AOPEP: variants seen among roughly 807,000 people sequenced by gnomAD.
AOPEP encodes the protein aminopeptidase O (putative).
Under a neutral mutation model 98.1 loss-of-function variants are expected in AOPEP, and 77 were observed. That is an observed-to-expected ratio of 0.78 (90% confidence interval 0.65 to 0.95). AOPEP has a LOEUF of 0.95. Ranked by LOEUF, AOPEP falls within the 40% of genes least tolerant of loss-of-function variation. The pLI is 0.00. For missense variants in AOPEP, 1,024 were observed against 1,024.7 expected (o/e 1.00, Z 0.01); for synonymous variants, 346 against 365.3 (o/e 0.95, Z 0.60).
chr9:94,984,352 G>A lies in AOPEP; in HGVS notation c.1977+4925G>A, dbSNP rs368165926. Among the ~76,000 whole-genome samples the A allele has an allele frequency of 1.8e-3, 269 of 152,116 alleles. 2 individuals are homozygous for A. The highest frequency in any genetic ancestry group is 6.1e-3 in the African/African-American group (254 of 41,476). Reference sequence around the variant, plus strand: ...CCGGAGCTGATTTTTTAATTTAGTCGTAATTAAATTTAAATTTAAAATCTC... The same window carrying A: ...CCGGAGCTGATTTTTTAATTTAGTCATAATTAAATTTAAATTTAAAATCTC... On this transcript the variant is annotated intron_variant, in intron 11 of 16. Transcript: ENST00000375315.
chr9:95,107,501 G>A, the AOPEP span: 13 of 595,580 alleles, frequency 2.2e-5, no homozygotes, highest in South Asian at 2.2e-4. Context: ...AGGGCACCAT[G>A]CCAGGAACTG....
intron 5 of AOPEP, among the ~76,000 whole-genome samples, chr9:94,809,420 G>A (rs1285252081): frequency 6.6e-6 from 1 of 152,162 alleles, no homozygotes; most frequent in Non-Finnish European, 1.5e-5. Flanking sequence ...GAACCACTGT[G>A]GTTTCAAAAA....
intron 13 of AOPEP, among the ~76,000 whole-genome samples, chr9:95,017,487 C>G (rs182877321): frequency 6.6e-6 from 1 of 152,288 alleles, no homozygotes; most frequent in East Asian, 1.9e-4. Context: ...TATGGGACCA[C>G]CGTTGTGTAT....
intron 1 of AOPEP, among the ~76,000 whole-genome samples, chr9:94,734,728 C>T (rs937479420): frequency 2.6e-5 from 4 of 152,220 alleles, no homozygotes; most frequent in South Asian, 2.1e-4. Context: ...TGTGTTTGAA[C>T]CACTGGCCCA....
intron 13 of AOPEP, among the ~76,000 whole-genome samples, chr9:95,056,687 G>A (rs557942238): frequency 5.9e-5 from 9 of 151,968 alleles, no homozygotes; most frequent in South Asian, 2.1e-4. Flanking sequence ...ATTCAAAGTC[G>A]TACAGCTTGC....
At chr9:95,128,722 T>C in the AOPEP span, among the ~76,000 whole-genome samples, 1 of 152,214 alleles carries the variant, frequency 6.6e-6, no homozygotes, top group Non-Finnish European at 1.5e-5. Context: ...GTGTGGAATC[T>C]GCTTGTTCTT....
chr9:95,036,153 A>G (rs893278842), intron 13 of AOPEP, among the ~76,000 whole-genome samples: 3 of 152,214 alleles, frequency 2.0e-5, no homozygotes, highest in Non-Finnish European at 4.4e-5. Context: ...GGATGTGCAT[A>G]TGATCTTGTG....
chr9:94,972,009 T>C lies in AOPEP; in HGVS notation c.1916+4208T>C, dbSNP rs1310624858. Among the ~76,000 whole-genome samples, 1 of 148,136 alleles carries C rather than the reference T, an allele frequency of 6.8e-6. No homozygotes were observed. Among genetic ancestry groups the C allele is most frequent in the Non-Finnish European group, 1.5e-5 (1 of 67,844 alleles). Reference sequence around the variant, plus strand: ...CCGAGGGCAGTGTGGCCGAGGGCAGTGTGGCAGAGAGATGGGGGCGGAGAG... The same window carrying C: ...CCGAGGGCAGTGTGGCCGAGGGCAGCGTGGCAGAGAGATGGGGGCGGAGAG... On this transcript the variant is annotated intron_variant, in intron 10 of 16. Transcript: ENST00000375315. This position sits in a 1 kb window ranked among gnomAD's most constrained non-coding sequence, Gnocchi z 4.2.
intron 13 of AOPEP, among the ~76,000 whole-genome samples, chr9:95,035,507 ATTTTTTTTTTTTTTT>A (rs542840000): frequency 2.2e-4 from 15 of 67,966 alleles, no homozygotes; most frequent in Non-Finnish European, 2.9e-4. Context: ...GCTTCAGATA[ATTTTTTTTTTTTTTT>A]TTTTTTTTTT....
intron 5 of AOPEP, among the ~76,000 whole-genome samples, chr9:94,876,333 C>G (rs1032938373): frequency 6.6e-6 from 1 of 151,908 alleles, no homozygotes; most frequent in African/African-American, 2.4e-5. Context: ...GTTAGTTGCT[C>G]TCATAAACAC....
At chr9:95,142,777 T>TAA in the AOPEP span, among the ~76,000 whole-genome samples, 2 of 152,198 alleles carry the variant, frequency 1.3e-5, no homozygotes, top group Non-Finnish European at 2.9e-5. Flanking sequence ...CTGCGAGTGT[T>TAA]AGAGTGGTCA....
At chr9:95,096,539 C>T in the AOPEP span, among the ~76,000 whole-genome samples, 2 of 152,160 alleles carry the variant, frequency 1.3e-5, no homozygotes, top group East Asian at 1.9e-4. Flanking sequence ...CTCTCCGGGC[C>T]GGTGATCCAG....
At chr9:94,997,480 G>T (rs187542845) in intron 11 of AOPEP, among the ~76,000 whole-genome samples, 156 of 152,242 alleles carry the variant, frequency 1.0e-3, no homozygotes, top group Non-Finnish European at 1.7e-3. Flanking sequence ...ATTATCTAAG[G>T]CAGTGGTTCT....
At chr9:94,875,347 GAAAAAAAAAAAA>G (rs71366265) in intron 5 of AOPEP, among the ~76,000 whole-genome samples, 20 of 71,530 alleles carry the variant, frequency 2.8e-4, no homozygotes, top group Non-Finnish European at 2.6e-4. Flanking sequence ...AATTGAGCAA[GAAAAAAAAAAAA>G]AAAAAAAAAA....
chr9:94,848,380 A>G (rs2135084205), intron 5 of AOPEP, among the ~76,000 whole-genome samples: 1 of 140,770 alleles, frequency 7.1e-6, no homozygotes, highest in East Asian at 2.2e-4. Context: ...TGAACCCGGG[A>G]GGCGGATCTT....
intron 13 of AOPEP, among the ~76,000 whole-genome samples, chr9:95,054,468 G>C (rs1331712223): frequency 1.3e-5 from 2 of 152,210 alleles, no homozygotes; most frequent in African/African-American, 4.8e-5. Flanking sequence ...TATGCTTTGT[G>C]TTAGATTGCA....
intron 11 of AOPEP, among the ~76,000 whole-genome samples, chr9:94,982,565 CTTTTT>C (rs532615813): frequency 7.4e-6 from 1 of 134,586 alleles, no homozygotes; most frequent in Non-Finnish European, 1.6e-5. Flanking sequence ...AAGAGCAATA[CTTTTT>C]TTTTTTTTTT....
chr9:94,896,797 T>A (rs894132561), intron 5 of AOPEP, among the ~76,000 whole-genome samples: 2 of 152,150 alleles, frequency 1.3e-5, no homozygotes, highest in Non-Finnish European at 2.9e-5. Flanking sequence ...TTATGTGGTA[T>A]TCTGGTAAAA....
intron 1 of AOPEP, among the ~76,000 whole-genome samples, chr9:94,741,698 G>A (rs999438568): frequency 1.3e-5 from 2 of 152,010 alleles, no homozygotes; most frequent in African/African-American, 2.4e-5. Context: ...AATAGATTAA[G>A]TTAGTAGTAA....
Sources: gnomAD v4.1 joint callset for allele counts (sites outside exome capture counted in the v4.1 genomes callset) on GRCh38, gnomAD v4.1.1 for gene constraint, Gnocchi (gnomAD v3.1) non-coding constraint, MANE v1.5 for transcripts, NCBI Gene and HGNC (gene_info 2026-07-23, HGNC 2026-07-21) for gene names.